Variants in COL21A1 observed in about 807,000 individuals in gnomAD.
COL21A1 encodes the protein collagen type XXI alpha 1 chain, also known as collagen alpha-1(XXI) chain.
In COL21A1, 149 loss-of-function variants were observed where a neutral mutation model predicts 137.9. The ratio of observed to expected loss-of-function variants is 1.08; its 90% CI spans 0.95 to 1.24. COL21A1 has a LOEUF of 1.24. COL21A1 is among the 50% of genes most tolerant of loss of function. The pLI is 0.00. For missense variants in COL21A1, 1,167 were observed against 1,158.4 expected (o/e 1.01, Z -0.11); for synonymous variants, 456 against 391.5 (o/e 1.16, Z -1.95).
At chr6:56,058,868 A>AAT (rs1285424453) in intron 29 of COL21A1, among the ~76,000 whole-genome samples, 1 of 152,164 alleles carries the variant, frequency 6.6e-6, no homozygotes, top group East Asian at 1.9e-4. Context: ...GAGAGTCATA[A>AAT]AGACTAAACA....
intron 1 of COL21A1, among the ~76,000 whole-genome samples, chr6:56,335,121 C>CAA (rs1161591692): frequency 1.3e-5 from 2 of 151,900 alleles, no homozygotes; most frequent in African/African-American, 4.8e-5. Flanking sequence ...ATAGATGATG[C>CAA]AAAAATGAGT....
chr6:56,095,405 C>A (rs971140279), intron 17 of COL21A1, among the ~76,000 whole-genome samples: 4 of 152,146 alleles, frequency 2.6e-5, no homozygotes, highest in Non-Finnish European at 5.9e-5. Context: ...TCCCACTCTC[C>A]CCCTCCCAAC....
intron 1 of COL21A1, among the ~76,000 whole-genome samples, chr6:56,207,487 A>G (rs1280705817): frequency 2.6e-5 from 4 of 152,214 alleles, no homozygotes; most frequent in African/African-American, 7.2e-5. Context: ...CTAAACCAGG[A>G]AGAAGTCGAG....
At chr6:56,323,118 A>G (rs1386778796) in intron 1 of COL21A1, among the ~76,000 whole-genome samples, 1 of 152,128 alleles carries the variant, frequency 6.6e-6, no homozygotes, top group Non-Finnish European at 1.5e-5. Context: ...AGACTTTACC[A>G]CTACACAATA....
At position 56,099,283 on chromosome 6, in the gene COL21A1, G is replaced by T. The variant is rs1184001870; in HGVS notation, c.1812+2189C>A. On this transcript the variant is annotated intron_variant, in intron 17 of 29. Transcript: ENST00000244728. ...GAGTTTAGCTCTGTCGCCCAGGCTGGAGTGCAGTGGCGCCATCTCGGCTCA... is the reference window on the plus strand; with the variant it reads ...GAGTTTAGCTCTGTCGCCCAGGCTGTAGTGCAGTGGCGCCATCTCGGCTCA... Among the ~76,000 whole-genome samples the T allele has an allele frequency of 5.5e-5, 8 of 145,796 alleles. No individual in the cohort carries two copies. The Admixed American group carries it at 5.6e-4, about 10-fold the overall frequency.
In COL21A1 at chr6:56,173,479, CTTTAAA is replaced by C. The variant is rs1378294432; in HGVS notation, c.641-2357_641-2352del. Among the ~76,000 whole-genome samples, 15 of 148,006 alleles carry C rather than the reference CTTTAAA, an allele frequency of 1.0e-4. No homozygotes were observed. In the East Asian group the frequency reaches 2.7e-3, roughly 27 times the overall value. On this transcript the variant is annotated intron_variant, in intron 3 of 29. Coordinates refer to ENST00000244728, the MANE Select transcript of COL21A1 (RefSeq NM_030820.4). ...AGAAAAGAGAAATGAAAAGGACTCA[CTTTAAA>C]TTTAAGGACACACATAGGCTGTAAG...
At chr6:56,369,802 A>T (rs1419003875) in intron 1 of COL21A1, among the ~76,000 whole-genome samples, 1 of 152,210 alleles carries the variant, frequency 6.6e-6, no homozygotes, top group Non-Finnish European at 1.5e-5. Flanking sequence ...TTCAAACAGA[A>T]ACTAATTAAA....
At chr6:56,159,128 T>C (rs1776006654) in intron 9 of COL21A1, among the ~76,000 whole-genome samples, 1 of 152,150 alleles carries the variant, frequency 6.6e-6, no homozygotes, top group Admixed American at 6.5e-5. Flanking sequence ...CTGGAATAAA[T>C]TTTCCTCTTT....
chr6:56,328,578 G>C (rs988705508), intron 1 of COL21A1, among the ~76,000 whole-genome samples: 3 of 152,044 alleles, frequency 2.0e-5, no homozygotes, highest in African/African-American at 7.2e-5. Flanking sequence ...AATCCTCAAA[G>C]TCCAGGAAAG....
In COL21A1 at chr6:56,125,525, A is replaced by C. The variant is rs1772977465; in HGVS notation, c.1650+42T>G. On this transcript the variant is annotated intron_variant, in intron 14 of 29. Coordinates refer to ENST00000244728, the MANE Select transcript of COL21A1 (RefSeq NM_030820.4). ...TCTAGTTTTCTGTTTCCATTACATT[A>C]AAAGTTCAATATGAATACTTTGTTG... 2.1e-6 allele frequency: 3 copies of C among 1,430,880 alleles called. No homozygotes were observed. In the East Asian group the frequency reaches 7.0e-5, roughly 33 times the overall value. 88.6% of individuals were successfully genotyped at this position (1,430,880 alleles called of 1,614,324 possible). A position where few individuals can be genotyped will look rare whatever the true frequency, so the allele number is the denominator to read the frequency against.
intron 16 of COL21A1, among the ~76,000 whole-genome samples, chr6:56,101,940 A>G (rs1237145378): frequency 6.6e-6 from 1 of 152,152 alleles, no homozygotes; most frequent in Non-Finnish European, 1.5e-5. Flanking sequence ...TTAAAGTAAA[A>G]ACAAAACTTT....
At chr6:56,164,172 A>C (rs114550033) in intron 9 of COL21A1, among the ~76,000 whole-genome samples, 1,594 of 152,322 alleles carry the variant, frequency 0.01, 27 homozygotes, top group African/African-American at 0.035. Context: ...GGGGAAAAAA[A>C]CAACCAAACA....
intron 1 of COL21A1, among the ~76,000 whole-genome samples, chr6:56,319,967 C>A (rs962581268): frequency 2.0e-5 from 3 of 152,064 alleles, no homozygotes; most frequent in Admixed American, 1.3e-4. Flanking sequence ...CTTGTGGCTT[C>A]CTCCAGCTCA....
chr6:56,286,777 C>T (rs773200114), intron 1 of COL21A1, among the ~76,000 whole-genome samples: 5 of 152,092 alleles, frequency 3.3e-5, no homozygotes, highest in East Asian at 1.9e-4. Context: ...AGATAATCCT[C>T]AACCATATAC....
chr6:56,302,043 G>T (rs554639900), intron 1 of COL21A1, among the ~76,000 whole-genome samples: 1 of 152,050 alleles, frequency 6.6e-6, no homozygotes, highest in Admixed American at 6.6e-5. Context: ...CCATGTCCCT[G>T]CAAAGGACAT....
chr6:56,320,435 C>T (rs770529063), intron 1 of COL21A1, among the ~76,000 whole-genome samples: 65 of 152,052 alleles, frequency 4.3e-4, no homozygotes, highest in Admixed American at 9.9e-4. Context: ...CACTTCCAAA[C>T]TCAAAGCCCT....
intron 29 of COL21A1, 94 bp from the exon 30 acceptor site, chr6:56,057,938 AC>A (rs1296697240): frequency 1.2e-6 from 1 of 855,168 alleles, no homozygotes; most frequent in Middle Eastern, 3.3e-4. Context: ...GAAAAAAAAA[AC>A]CTTGAATATT....
chr6:56,117,353 C>T lies in COL21A1; in HGVS notation c.1758+6709G>A, dbSNP rs141989464. Among the ~76,000 whole-genome samples the T allele has an allele frequency of 1.6e-3, 250 of 151,962 alleles. 2 individuals are homozygous for T. Among genetic ancestry groups the T allele is most frequent in the African/African-American group, 5.7e-3 (238 of 41,532 alleles). On this transcript the variant is annotated intron_variant, in intron 16 of 29. Transcript: ENST00000244728. ...GTCAAAAACTAAGAGAAAAGGGTCT[C>T]TATACAATGATAAAGGGGTTAATTC... is the stretch of plus-strand genomic sequence containing the variant.
intron 1 of COL21A1, among the ~76,000 whole-genome samples, chr6:56,325,199 T>G (rs2152342138): frequency 7.7e-6 from 1 of 130,642 alleles, no homozygotes; most frequent in South Asian, 2.5e-4. Context: ...AGTCTGTCTT[T>G]TGTTATAGGA....
Sources: allele counts gnomAD v4.1 joint callset (sites outside exome capture counted in the v4.1 genomes callset), GRCh38; gene constraint gnomAD v4.1.1; transcripts MANE v1.5; gene names NCBI Gene and HGNC (gene_info 2026-07-23, HGNC 2026-07-21).